Variants in THEMIS observed in about 807,000 individuals in gnomAD.
THEMIS encodes the protein thymocyte selection associated.
Under a neutral mutation model 52.6 loss-of-function variants are expected in THEMIS, and 37 were observed. The observed-to-expected ratio is 0.70, with a 90% CI of 0.54 to 0.93. THEMIS has a LOEUF of 0.93. Among genes scored for constraint, THEMIS ranks in the 40% least tolerant of loss-of-function variants. The pLI is 0.00. For synonymous variants in THEMIS, 292 were observed against 272.7 expected (o/e 1.07, Z -0.70); for missense variants, 808 against 763.1 (o/e 1.06, Z -0.69).
At chr6:127,773,818 A>C (rs1776466510) in intron 4 of THEMIS, among the ~76,000 whole-genome samples, 1 of 152,228 alleles carries the variant, frequency 6.6e-6, no homozygotes, top group Non-Finnish European at 1.5e-5. Flanking sequence ...AAAAATAGCA[A>C]ATTTATTCAT....
chr6:127,855,439 C>T (rs981773455), intron 1 of THEMIS, among the ~76,000 whole-genome samples: 12 of 152,028 alleles, frequency 7.9e-5, no homozygotes, highest in African/African-American at 2.6e-4. Context: ...ATGATTTCCT[C>T]AGCACCCTCA....
intron 2 of THEMIS, among the ~76,000 whole-genome samples, chr6:127,846,471 A>C (rs1226542268): frequency 1.3e-5 from 2 of 151,952 alleles, no homozygotes; most frequent in African/African-American, 2.4e-5. Flanking sequence ...AACCAATACC[A>C]CATAAATACA....
At chr6:127,710,938 C>T (rs1348838654) in intron 5 of THEMIS, among the ~76,000 whole-genome samples, 3 of 149,322 alleles carry the variant, frequency 2.0e-5, no homozygotes, top group Admixed American at 1.3e-4. Flanking sequence ...TGCCTCCCTC[C>T]CTCCTTCCCT....
At chr6:127,784,841 T>G (rs893080814) in intron 4 of THEMIS, among the ~76,000 whole-genome samples, 1 of 152,100 alleles carries the variant, frequency 6.6e-6, no homozygotes, top group African/African-American at 2.4e-5. Flanking sequence ...AACTTAGGCC[T>G]GTTTGAGAGG....
the THEMIS span, among the ~76,000 whole-genome samples, chr6:127,699,512 C>T: frequency 6.7e-6 from 1 of 149,604 alleles, no homozygotes; most frequent in Admixed American, 6.8e-5. Context: ...TTCCACTAAA[C>T]ATTCCCCACT....
intron 4 of THEMIS, 76 bp downstream of exon 4, chr6:127,812,807 A>C: frequency 7.0e-7 from 1 of 1,420,580 alleles, no homozygotes. Flanking sequence ...TAAGCAAAAC[A>C]CACTCAGAAA....
chr6:127,856,027 A>C (rs1234965430), intron 1 of THEMIS, among the ~76,000 whole-genome samples: 3 of 152,012 alleles, frequency 2.0e-5, no homozygotes, highest in African/African-American at 7.2e-5. Context: ...TTACAATTCA[A>C]CACTAACTTA....
At chr6:127,918,396 T>C (rs192103927) in intron 1 of THEMIS, 1 of 152,296 alleles carries the variant, frequency 6.6e-6, no homozygotes, top group East Asian at 1.9e-4. Context: ...TAAAATCTTA[T>C]GCAAGAGATA....
intron 3 of THEMIS, among the ~76,000 whole-genome samples, chr6:127,826,434 T>C (rs1257615381): frequency 6.6e-6 from 1 of 152,198 alleles, no homozygotes; most frequent in Non-Finnish European, 1.5e-5. Context: ...ACTTTTCACT[T>C]GTGTGATTTC....
chr6:127,858,072 A>T (rs1469811631), intron 1 of THEMIS, among the ~76,000 whole-genome samples: 1 of 152,068 alleles, frequency 6.6e-6, no homozygotes, highest in Non-Finnish European at 1.5e-5. Context: ...TGTATATCAA[A>T]TTGGCTGAGT....
intron 2 of THEMIS, among the ~76,000 whole-genome samples, chr6:127,836,691 T>A (rs1778883696): frequency 6.6e-6 from 1 of 152,196 alleles, no homozygotes; most frequent in Non-Finnish European, 1.5e-5. Flanking sequence ...AAACACATTC[T>A]TTTGGTTCCA....
intron 2 of THEMIS, 135 bp from the exon 3 acceptor site, chr6:127,830,069 C>G (rs886125160): frequency 1.5e-6 from 1 of 664,874 alleles, no homozygotes; most frequent in Non-Finnish European, 2.5e-6. Flanking sequence ...ATTAGAGATG[C>G]TTATTTTAAT....
intron 3 of THEMIS, among the ~76,000 whole-genome samples, 189 bp downstream of exon 3, chr6:127,829,287 T>C (rs1778612606): frequency 6.6e-6 from 1 of 152,212 alleles, no homozygotes; most frequent in Non-Finnish European, 1.5e-5. Flanking sequence ...AACATACTTG[T>C]ATATTCATTA....
chr6:127,809,105 A>G lies in THEMIS; in HGVS notation c.1758+3778T>C, dbSNP rs756946429. Among the ~76,000 whole-genome samples, 140 of 152,304 alleles carry G rather than the reference A, an allele frequency of 9.2e-4. 3 individuals are homozygous for G. The highest frequency in any genetic ancestry group is 6.2e-4 in the South Asian group (3 of 4,822). On this transcript the variant is annotated intron_variant, in intron 4 of 5. Coordinates refer to ENST00000368248, the MANE Select transcript of THEMIS (RefSeq NM_001010923.3). ...TAGGACTCTTCTCTGTGCATGTAAAACCACATTTTAATGAGCTAAATGAGT... is the reference window on the plus strand; with the variant it reads ...TAGGACTCTTCTCTGTGCATGTAAAGCCACATTTTAATGAGCTAAATGAGT...
intron 2 of THEMIS, among the ~76,000 whole-genome samples, chr6:127,830,332 T>C (rs889288590): frequency 6.6e-6 from 1 of 152,214 alleles, no homozygotes; most frequent in Non-Finnish European, 1.5e-5. Flanking sequence ...AGCTTTTTTA[T>C]GAATATATTC....
intron 1 of THEMIS, among the ~76,000 whole-genome samples, chr6:127,898,219 G>A (rs1281029530): frequency 6.6e-6 from 1 of 151,648 alleles, no homozygotes; most frequent in African/African-American, 2.4e-5. Context: ...AATGATCAAG[G>A]TATTTAGTTT....
At chr6:127,855,265 T>C (rs1216371635) in intron 1 of THEMIS, 77 bp from the exon 2 acceptor site, 3 of 1,265,466 alleles carry the variant, frequency 2.4e-6, no homozygotes, top group Admixed American at 5.7e-5. Context: ...AAGCTTAATA[T>C]AAAGTGTTTT....
intron 4 of THEMIS, among the ~76,000 whole-genome samples, chr6:127,762,098 G>C (rs1018782981): frequency 4.3e-4 from 66 of 152,104 alleles, no homozygotes; most frequent in African/African-American, 1.5e-3. Flanking sequence ...AAATTCTGCA[G>C]TATGTGACAA....
chr6:127,891,404 C>T (rs548632681), intron 1 of THEMIS, among the ~76,000 whole-genome samples: 62 of 151,784 alleles, frequency 4.1e-4, no homozygotes, highest in African/African-American at 1.4e-3. Flanking sequence ...GGCCTGGTGG[C>T]GGGCACCTGT....
Sources: allele counts gnomAD v4.1 joint callset (sites outside exome capture counted in the v4.1 genomes callset), GRCh38; gene constraint gnomAD v4.1.1; transcripts MANE v1.5; gene names NCBI Gene and HGNC (gene_info 2026-07-23, HGNC 2026-07-21).